The following CTNNA2 variants were observed in gnomAD, a reference collection of about 807,000 sequenced individuals.
CTNNA2 encodes the protein catenin alpha 2, also known as catenin alpha-2.
In CTNNA2, 42 loss-of-function variants were observed where a neutral mutation model predicts 101.0. That is an observed-to-expected ratio of 0.42 (90% CI 0.32 to 0.54). The LOEUF is 0.54. Ranked by LOEUF, CTNNA2 falls within the 20% of genes least tolerant of loss-of-function variation. CTNNA2 has a pLI of 0.14. For synonymous variants in CTNNA2, 450 were observed against 456.4 expected (o/e 0.99, Z 0.18); for missense variants, 871 against 1,223.1 (o/e 0.71, Z 4.29).
chr2:80,512,594 G>T (rs1573088216), intron 9 of CTNNA2, among the ~76,000 whole-genome samples: 2 of 152,166 alleles, frequency 1.3e-5, no homozygotes, highest in South Asian at 4.2e-4. Flanking sequence ...TTTAATTCTG[G>T]ATAGCATTTT....
At chr2:80,640,022 A>G (rs1673293747) in intron 18 of CTNNA2, among the ~76,000 whole-genome samples, 1 of 152,116 alleles carries the variant, frequency 6.6e-6, no homozygotes, top group African/African-American at 2.4e-5. Flanking sequence ...GAATCGCTTG[A>G]ACCCGGTAGG....
rs543798116 is a variant in CTNNA2 at position 79,459,229 on chromosome 2, C to T, written c.-134-45825C>T. Among the ~76,000 whole-genome samples the T allele has an allele frequency of 3.8e-4, 58 of 152,196 alleles. 2 individuals carry two copies. The South Asian group carries it at 0.012, about 32-fold the overall frequency. The stretch of plus-strand genomic sequence containing the variant: ...ATTCAACATCTAAGACAAACAACTG[C>T]ATTGCAAATAAAAATAACTTGCTAC... On this transcript the variant is annotated intron_variant, in intron 4 of 21. Coordinates refer to the CTNNA2 transcript ENST00000466387.
chr2:80,179,581 G>T (rs958641708), intron 7 of CTNNA2, among the ~76,000 whole-genome samples: 1 of 152,048 alleles, frequency 6.6e-6, no homozygotes, highest in African/African-American at 2.4e-5. Context: ...CACCGTGTTA[G>T]CCAGGATGGT....
intron 9 of CTNNA2, among the ~76,000 whole-genome samples, chr2:80,477,083 A>G (rs936728668): frequency 6.6e-6 from 1 of 152,190 alleles, no homozygotes; most frequent in Non-Finnish European, 1.5e-5. Context: ...TAGAGTTTAT[A>G]GATAATCAGT....
intron 18 of CTNNA2, among the ~76,000 whole-genome samples, chr2:80,628,373 G>T (rs999327985): frequency 6.6e-6 from 1 of 151,890 alleles, no homozygotes; most frequent in African/African-American, 2.4e-5. Flanking sequence ...CTACTACAAG[G>T]CTACAGTAAC....
At chr2:80,367,784 A>G (rs1253065254) in intron 7 of CTNNA2, among the ~76,000 whole-genome samples, 1 of 152,156 alleles carries the variant, frequency 6.6e-6, no homozygotes, top group Non-Finnish European at 1.5e-5. Context: ...AGTAGGGATT[A>G]CATTCTCTTC....
chr2:80,474,080 C>A (rs1685525154), intron 9 of CTNNA2, among the ~76,000 whole-genome samples: 1 of 152,102 alleles, frequency 6.6e-6, no homozygotes, highest in South Asian at 2.1e-4. Context: ...GACGCTGAGG[C>A]CAAGGCAGTT....
At chr2:79,615,507 T>G (rs1245673634) in intron 1 of CTNNA2, among the ~76,000 whole-genome samples, 2 of 152,234 alleles carry the variant, frequency 1.3e-5, no homozygotes, top group Non-Finnish European at 2.9e-5. Context: ...GTCAATAAGA[T>G]AATAAAAATA....
At chr2:79,971,332 T>A (rs762710039) in intron 7 of CTNNA2, among the ~76,000 whole-genome samples, 2 of 152,216 alleles carry the variant, frequency 1.3e-5, no homozygotes, top group Non-Finnish European at 2.9e-5. Flanking sequence ...ATCACTATTA[T>A]CATCATATTT....
chr2:79,653,087 G>A lies in CTNNA2; in HGVS notation c.102+1429G>A, dbSNP rs912334493. ...TTACAGACATTCCTACATAAAAAGG[G>A]ATAAAGTGGAAGGAAAAAGGAGTTG... On this transcript the variant is annotated intron_variant, in intron 2 of 18. Transcript: ENST00000402739. 5.9e-5 allele frequency among the ~76,000 whole-genome samples: 9 copies of A among 152,128 alleles called. No homozygotes were observed. The East Asian group carries it at 1.4e-3, about 23-fold the overall frequency.
chr2:79,197,787 G>A lies in CTNNA2; in HGVS notation c.-523-172G>A, dbSNP rs1021238584. Among the ~76,000 whole-genome samples the A allele has an allele frequency of 7.9e-5, 12 of 152,132 alleles. 1 individual carries two copies. Among genetic ancestry groups the A allele is most frequent in the Non-Finnish European group, 1.5e-5 (1 of 68,026 alleles). ...AGGTACTTTTTTTGTTGTGGTTGTTGTTGTTGAGACGGAGTCTCGCTTTGT... is the reference window on the plus strand; with the variant it reads ...AGGTACTTTTTTTGTTGTGGTTGTTATTGTTGAGACGGAGTCTCGCTTTGT... On this transcript the variant is annotated intron_variant, in intron 1 of 21. Transcript: ENST00000466387.
chr2:79,301,840 C>G (rs1053280096), intron 2 of CTNNA2, among the ~76,000 whole-genome samples: 4 of 151,978 alleles, frequency 2.6e-5, no homozygotes, highest in Admixed American at 2.6e-4. Context: ...TGTAATCCTA[C>G]TGCTTTGGGA....
intron 2 of CTNNA2, among the ~76,000 whole-genome samples, chr2:79,261,974 G>A (rs1039819429): frequency 7.2e-5 from 11 of 152,146 alleles, no homozygotes; most frequent in Admixed American, 7.2e-4. Flanking sequence ...CATGAGAGTA[G>A]GCTATATCCT....
At chr2:79,989,134 C>T (rs1459977281) in intron 7 of CTNNA2, among the ~76,000 whole-genome samples, 1 of 152,146 alleles carries the variant, frequency 6.6e-6, no homozygotes, top group Admixed American at 6.5e-5. Context: ...TTAAAATATG[C>T]ACTGATGGTG....
intron 7 of CTNNA2, among the ~76,000 whole-genome samples, chr2:80,210,602 C>T (rs918818246): frequency 6.6e-6 from 1 of 152,132 alleles, no homozygotes; most frequent in Non-Finnish European, 1.5e-5. Flanking sequence ...TTTTCTTAAT[C>T]CAGTCTATCA....
At chr2:79,428,113 A>C (rs1053058210) in intron 4 of CTNNA2, among the ~76,000 whole-genome samples, 7 of 151,530 alleles carry the variant, frequency 4.6e-5, no homozygotes, top group Admixed American at 4.0e-4. Context: ...AGATCTTTTT[A>C]TTCTGTCTTC....
rs1681305372 is a variant in CTNNA2, at chr2:80,429,599, G to A, written c.1290+9998G>A. Among the ~76,000 whole-genome samples the A allele has an allele frequency of 2.0e-5, 3 of 152,164 alleles. No homozygotes were observed. In the South Asian group the frequency reaches 6.2e-4, roughly 31 times the overall value. On this transcript the variant is annotated intron_variant, in intron 9 of 18. Coordinates refer to ENST00000402739, the MANE Select transcript of CTNNA2 (RefSeq NM_001282597.3). ...CTGCTGATGTTGGCGTAATTGTATA[G>A]GCATTAAATTTCATATCTCTGAAAT...
chr2:79,916,359 C>A (rs763953329), intron 7 of CTNNA2, among the ~76,000 whole-genome samples: 12 of 151,894 alleles, frequency 7.9e-5, no homozygotes, highest in African/African-American at 2.7e-4. Flanking sequence ...GTTTTCCTTG[C>A]GTTTTTCTTA....
Position 79,983,212 on chromosome 2 carries a change from TACA to T in CTNNA2, c.1056+73419_1056+73421del, listed in dbSNP as rs1380695043. Among the ~76,000 whole-genome samples, 6 of 149,358 alleles carry T rather than the reference TACA, an allele frequency of 4.0e-5. No individual in the cohort carries two copies. In the East Asian group the frequency reaches 1.2e-3, roughly 29 times the overall value. On this transcript the variant is annotated intron_variant, in intron 7 of 18. Coordinates refer to ENST00000402739, the MANE Select transcript of CTNNA2 (RefSeq NM_001282597.3). ...ATATATTCATATACCTATATTAATA[TACA>T]ACATATCCATATTAATATAATAATA...
Sources: gnomAD v4.1 joint callset for allele counts (sites outside exome capture counted in the v4.1 genomes callset) on GRCh38, gnomAD v4.1.1 for gene constraint, MANE v1.5 for transcripts, NCBI Gene and HGNC (gene_info 2026-07-23, HGNC 2026-07-21) for gene names.